Variants in BBS9 observed in about 807,000 individuals in gnomAD.
The protein encoded by BBS9 is protein PTHB1.
In BBS9, 89 loss-of-function variants were observed where a neutral mutation model predicts 117.7. The observed-to-expected ratio is 0.76, with a 90% CI of 0.64 to 0.90. BBS9 has a LOEUF of 0.90. Ranked by LOEUF, BBS9 falls within the 40% of genes least tolerant of loss-of-function variation. The pLI is 0.00. For synonymous variants in BBS9, 379 were observed against 370.9 expected, an observed-to-expected ratio of 1.02 and a Z score of -0.25; for missense variants, 982 against 1,042.2, an observed-to-expected ratio of 0.94 and a Z score of 0.80.
intron 6 of BBS9, among the ~76,000 whole-genome samples, chr7:33,261,388 T>C (rs1457395752): frequency 6.6e-6 from 1 of 152,162 alleles, no homozygotes; most frequent in Non-Finnish European, 1.5e-5. Flanking sequence ...TGAGAACTGA[T>C]AAAAGAGTGA....
chr7:33,374,614 C>T (rs1169555766), intron 17 of BBS9, among the ~76,000 whole-genome samples: 3 of 152,044 alleles, frequency 2.0e-5, no homozygotes, highest in Admixed American at 6.5e-5. Context: ...GTTAAACCTA[C>T]CAAAAGGCCG....
intron 21 of BBS9, among the ~76,000 whole-genome samples, chr7:33,593,071 T>C (rs1001609469): frequency 2.6e-5 from 4 of 152,162 alleles, no homozygotes; most frequent in African/African-American, 7.2e-5. Flanking sequence ...CTTAAAATTA[T>C]GTGTCTTTCC....
At chr7:33,221,761 A>G (rs537147529) in intron 5 of BBS9, among the ~76,000 whole-genome samples, 6 of 152,272 alleles carry the variant, frequency 3.9e-5, no homozygotes, top group East Asian at 1.9e-4. Flanking sequence ...CAGAGTTGCT[A>G]TTCTTCATTG....
chr7:33,611,769 TTATTATATAATAA>T (rs2129214786), intron 21 of BBS9, among the ~76,000 whole-genome samples: 1 of 137,912 alleles, frequency 7.3e-6, no homozygotes, highest in African/African-American at 2.6e-5. Flanking sequence ...TTATATAATA[TTATTATATAATAA>T]TATTATATAT....
intron 5 of BBS9, among the ~76,000 whole-genome samples, chr7:33,184,310 G>A (rs1798506984): frequency 6.6e-6 from 1 of 152,128 alleles, no homozygotes; most frequent in African/African-American, 2.4e-5. Flanking sequence ...CCCCTTTTGG[G>A]GAGAAAAGAA....
intron 17 of BBS9, among the ~76,000 whole-genome samples, chr7:33,381,505 G>A (rs1825020069): frequency 6.6e-6 from 1 of 151,944 alleles, no homozygotes; most frequent in South Asian, 2.1e-4. Flanking sequence ...GTGTGGATAA[G>A]ACTAGATTTA....
chr7:33,304,663 G>A (rs1450925722), intron 9 of BBS9, among the ~76,000 whole-genome samples: 1 of 152,284 alleles, frequency 6.6e-6, no homozygotes, highest in East Asian at 1.9e-4. Flanking sequence ...TCGAGAATGG[G>A]CCATGATGAC....
intron 5 of BBS9, among the ~76,000 whole-genome samples, chr7:33,193,101 C>G (rs1445722048): frequency 6.6e-6 from 1 of 152,108 alleles, no homozygotes; most frequent in Non-Finnish European, 1.5e-5. Flanking sequence ...GTCACATGAC[C>G]CACTGGTTGT....
chr7:33,455,727 C>T (rs1208519942), intron 19 of BBS9, among the ~76,000 whole-genome samples: 1 of 152,130 alleles, frequency 6.6e-6, no homozygotes, highest in East Asian at 1.9e-4. Flanking sequence ...AAGGCCGTGT[C>T]TGAATTGGGT....
intron 3 of BBS9, 46 bp downstream of exon 3, chr7:33,152,897 TC>T (rs1793568342): frequency 1.3e-6 from 2 of 1,578,242 alleles, no homozygotes; most frequent in African/African-American, 2.7e-5. Context: ...AGTATGTCAA[TC>T]CTTTACAGTG....
chr7:33,462,548 TCAC>T, intron 19 of BBS9, among the ~76,000 whole-genome samples: 1 of 152,158 alleles, frequency 6.6e-6, no homozygotes, highest in African/African-American at 2.4e-5. Context: ...ACTTGGAAAA[TCAC>T]AGTAGCTGAA....
At chr7:33,418,756 G>C (rs1012502184) in intron 19 of BBS9, among the ~76,000 whole-genome samples, 9 of 152,272 alleles carry the variant, frequency 5.9e-5, no homozygotes, top group Middle Eastern at 3.4e-3. Context: ...GTCTAGCGTA[G>C]TGTTGAGAAG....
At chr7:33,561,057 C>G (rs1466188152) in intron 21 of BBS9, among the ~76,000 whole-genome samples, 1 of 152,158 alleles carries the variant, frequency 6.6e-6, no homozygotes, top group East Asian at 1.9e-4. Flanking sequence ...TTAAAACTTG[C>G]TTTGCTCTTA....
chr7:33,294,590 A>G (rs189752190), intron 9 of BBS9, among the ~76,000 whole-genome samples: 5 of 152,306 alleles, frequency 3.3e-5, no homozygotes, highest in Admixed American at 2.6e-4. Context: ...CTGGATACCC[A>G]AGCTTTAAGA....
intron 21 of BBS9, among the ~76,000 whole-genome samples, chr7:33,602,093 G>C (rs569055148): frequency 5.0e-4 from 76 of 152,300 alleles, no homozygotes; most frequent in African/African-American, 1.6e-3. Context: ...GGAAGGGAGG[G>C]TGAGGACAAA....
chr7:33,259,347 G>A (rs1288958133), intron 6 of BBS9, among the ~76,000 whole-genome samples: 4 of 152,124 alleles, frequency 2.6e-5, no homozygotes. Flanking sequence ...GTACGTAGGA[G>A]TCACCTGGAC....
At chr7:33,620,451 A>T (rs534444820) in intron 21 of BBS9, among the ~76,000 whole-genome samples, 1 of 152,106 alleles carries the variant, frequency 6.6e-6, no homozygotes, top group Non-Finnish European at 1.5e-5. Context: ...TAGCATTTCT[A>T]TACACTAACA....
chr7:33,269,451 G>T (rs1367259133), intron 7 of BBS9, among the ~76,000 whole-genome samples: 1 of 151,892 alleles, frequency 6.6e-6, no homozygotes, highest in East Asian at 1.9e-4. Flanking sequence ...ATCTCTCTTG[G>T]GTGAAGCCCC....
At chr7:33,199,189 A>G (rs189298756) in intron 5 of BBS9, among the ~76,000 whole-genome samples, 1 of 151,896 alleles carries the variant, frequency 6.6e-6, no homozygotes, top group Non-Finnish European at 1.5e-5. Flanking sequence ...CTCTTGCCCA[A>G]CTTCCTGAAA....
Sources: gnomAD v4.1 joint callset for allele counts (sites outside exome capture counted in the v4.1 genomes callset) on GRCh38, gnomAD v4.1.1 for gene constraint, MANE v1.5 for transcripts, NCBI Gene and HGNC (gene_info 2026-07-23, HGNC 2026-07-21) for gene names.